Variants in ANTXR1 observed in about 807,000 individuals in gnomAD.
ANTXR1 encodes the protein anthrax toxin receptor 1.
A neutral mutation model predicts 78.1 loss-of-function variants in ANTXR1; 19 were observed. That is an observed-to-expected ratio of 0.24 (90% CI 0.17 to 0.36). ANTXR1 has a LOEUF of 0.36. ANTXR1 is among the 10% of genes least tolerant of loss of function. The pLI is 1.00. For synonymous variants in ANTXR1, 273 were observed against 260.5 expected (o/e 1.05, Z -0.46); for missense variants, 518 against 718.6 (o/e 0.72, Z 3.19).
chr2:69,046,332 A>G (rs1669766944), intron 3 of ANTXR1, among the ~76,000 whole-genome samples: 2 of 152,154 alleles, frequency 1.3e-5, no homozygotes, highest in Admixed American at 1.3e-4. Context: ...AGGGATTTAT[A>G]AACACTATCA....
chr2:69,027,937 A>G (rs555254455), intron 1 of ANTXR1, among the ~76,000 whole-genome samples: 2 of 152,276 alleles, frequency 1.3e-5, no homozygotes, highest in South Asian at 4.1e-4. Context: ...TTAAGGAAAT[A>G]TAAAATAATA....
rs768575480 is a variant in ANTXR1, at chr2:69,175,176, G to A, written c.1089+4887G>A. Among the ~76,000 whole-genome samples the A allele has an allele frequency of 9.2e-5, 14 of 152,230 alleles. No homozygotes were observed. In the South Asian group the frequency reaches 1.7e-3, roughly 18 times the overall value. On this transcript the variant is annotated intron_variant, in intron 14 of 17. Transcript: ENST00000303714. ...GCACACAGCCCCTTTTAAGACTGACGTAAAGATGGTTACTTATTTTCTGTG... is the reference window on the plus strand; with the variant it reads ...GCACACAGCCCCTTTTAAGACTGACATAAAGATGGTTACTTATTTTCTGTG...
At chr2:69,215,141 C>CAGA (rs1553376350) in intron 17 of ANTXR1, among the ~76,000 whole-genome samples, 5 of 152,306 alleles carry the variant, frequency 3.3e-5, no homozygotes, top group East Asian at 3.9e-4. Flanking sequence ...ACTCTGTATT[C>CAGA]GCCATCTTCA....
chr2:69,094,373 G>A (rs1216621063), intron 9 of ANTXR1, among the ~76,000 whole-genome samples: 1 of 152,322 alleles, frequency 6.6e-6, no homozygotes, highest in East Asian at 1.9e-4. Context: ...GAAAATTGGG[G>A]AAGAGTATCT....
At position 69,182,498 on chromosome 2, in the gene ANTXR1, T is replaced by C. The variant is rs761222849; in HGVS notation, c.1191T>C (p.Arg397=). The C allele has an allele frequency of 2.9e-5, 47 of 1,614,088 alleles. No individual in the cohort carries two copies. In the African/African-American group the frequency reaches 4.5e-4, roughly 16 times the overall value. The part of the protein sequence containing the change: ...GVGGIKRMEV[R]WGEKGSTEEG... ...TTGTATTTTGTTTATTTTAGGTTCG[T>C]TGGGGAGAAAAGGGCTCCACAGAAG... The change falls in exon 16 of 18, where the codon CGT becomes CGC. Residue 397 remains arginine, a synonymous_variant. Coordinates refer to ENST00000303714, the MANE Select transcript of ANTXR1 (RefSeq NM_032208.3).
chr2:69,058,260 A>T (rs899224472), intron 3 of ANTXR1, among the ~76,000 whole-genome samples: 1 of 152,240 alleles, frequency 6.6e-6, no homozygotes, highest in East Asian at 1.9e-4. Context: ...AGAAGATGCC[A>T]TCTAGGACTT....
intron 13 of ANTXR1, among the ~76,000 whole-genome samples, chr2:69,152,639 T>C (rs570619584): frequency 9.6e-4 from 146 of 152,298 alleles, no homozygotes; most frequent in Non-Finnish European, 1.1e-3. Flanking sequence ...ATTTGTTGAG[T>C]TGCCCAACCT....
At position 69,018,600 on chromosome 2, in the gene ANTXR1, C is replaced by A; in HGVS notation, c.152+4949C>A. Among the ~76,000 whole-genome samples, 2 of 152,160 alleles carry A rather than the reference C, an allele frequency of 1.3e-5. 1 individual carries two copies. The highest frequency in any genetic ancestry group is 2.9e-5 in the Non-Finnish European group (2 of 68,024). On this transcript the variant is annotated intron_variant, in intron 1 of 17. Transcript: ENST00000303714. The stretch of plus-strand genomic sequence containing the variant: ...CTCTCACAAGGGTCCCAAAGACAAC[C>A]TTGTTTGGTAGGTAGGGCGAAGCAT...
intron 6 of ANTXR1, among the ~76,000 whole-genome samples, chr2:69,073,825 G>A (rs1455727587): frequency 6.6e-6 from 1 of 152,152 alleles, no homozygotes; most frequent in Admixed American, 6.5e-5. Flanking sequence ...CCATAGAAAT[G>A]TACTGAAACT....
intron 1 of ANTXR1, among the ~76,000 whole-genome samples, chr2:69,032,965 TTTCTA>T (rs1671571557): frequency 6.6e-6 from 1 of 152,216 alleles, no homozygotes; most frequent in Non-Finnish European, 1.5e-5. Flanking sequence ...TATTCTGGTA[TTTCTA>T]TTCTATTCTA....
intron 8 of ANTXR1, among the ~76,000 whole-genome samples, chr2:69,082,686 G>A (rs562425680): frequency 6.6e-6 from 1 of 152,040 alleles, no homozygotes; most frequent in Admixed American, 6.6e-5. Flanking sequence ...TGGTTACCGT[G>A]ATGCCAGCTC....
intron 17 of ANTXR1, among the ~76,000 whole-genome samples, chr2:69,203,314 C>A (rs530450182): frequency 5.9e-5 from 9 of 152,204 alleles, no homozygotes; most frequent in Admixed American, 1.3e-4. Flanking sequence ...TGTTTGAATT[C>A]TCTGTAGTAT....
chr2:69,074,486 TAGA>T (rs1434125578), intron 6 of ANTXR1, among the ~76,000 whole-genome samples: 2 of 152,218 alleles, frequency 1.3e-5, no homozygotes, highest in African/African-American at 4.8e-5. Context: ...AGAGTGCCAG[TAGA>T]AGGAGACCTT....
chr2:69,118,246 CA>C (rs61565815), intron 10 of ANTXR1, among the ~76,000 whole-genome samples: 11,251 of 94,896 alleles, frequency 0.12, 789 homozygotes, highest in African/African-American at 0.26. Flanking sequence ...CTTGTCTCTA[CA>C]AAAAAAAAAA....
chr2:69,240,102 T>C (rs547444619), intron 17 of ANTXR1, among the ~76,000 whole-genome samples: 1 of 152,340 alleles, frequency 6.6e-6, no homozygotes, highest in African/African-American at 2.4e-5. Context: ...CCTAAACTCA[T>C]AGCTGTGTTC....
intron 13 of ANTXR1, among the ~76,000 whole-genome samples, chr2:69,154,421 T>C (rs13423578): frequency 0.27 from 41,644 of 152,056 alleles, 8,959 homozygotes; most frequent in East Asian, 0.62. Flanking sequence ...GCTTCCTTGA[T>C]GAGGGGTGAT....
intron 16 of ANTXR1, among the ~76,000 whole-genome samples, chr2:69,191,299 ATAAAGAT>A (rs1253063595): frequency 2.6e-5 from 4 of 152,264 alleles, no homozygotes; most frequent in Non-Finnish European, 4.4e-5. Context: ...ACAACAGTTT[ATAAAGAT>A]TAAAGAACAC....
chr2:69,123,182 C>A, intron 11 of ANTXR1, 96 bp downstream of exon 11: 1 of 1,298,710 alleles, frequency 7.7e-7, no homozygotes, highest in Non-Finnish European at 1.1e-6. Flanking sequence ...GAAAGTGGAG[C>A]CTTTCTCTAG....
intron 16 of ANTXR1, among the ~76,000 whole-genome samples, chr2:69,189,107 A>G (rs1237498254): frequency 6.6e-6 from 1 of 152,218 alleles, no homozygotes; most frequent in African/African-American, 2.4e-5. Flanking sequence ...GTAGGAGTAG[A>G]AAGAGGTTAT....
Sources: gnomAD v4.1 joint callset for allele counts (sites outside exome capture counted in the v4.1 genomes callset) on GRCh38, gnomAD v4.1.1 for gene constraint, MANE v1.5 for transcripts, NCBI Gene and HGNC (gene_info 2026-07-23, HGNC 2026-07-21) for gene names.